Variants in CDC42BPB observed in about 807,000 individuals in gnomAD.
CDC42BPB encodes the protein CDC42 binding protein kinase beta.
Under a neutral mutation model 214.9 loss-of-function variants are expected in CDC42BPB, and 37 were observed. The ratio of observed to expected loss-of-function variants is 0.17; its 90% CI spans 0.13 to 0.23. The LOEUF is 0.23. Among genes scored for constraint, CDC42BPB ranks in the 10% least tolerant of loss-of-function variants. The probability of loss-of-function intolerance (pLI) is 1.00; values close to 1 mark genes in which losing one functional copy is unlikely to be tolerated. For synonymous variants in CDC42BPB, 931 were observed against 884.0 expected, an observed-to-expected ratio of 1.05 and a Z score of -0.94; for missense variants, 1,694 against 2,227.0, an observed-to-expected ratio of 0.76 and a Z score of 4.82.
At chr14:102,979,786 G>C (rs35846238) in intron 8 of CDC42BPB, among the ~76,000 whole-genome samples, 1 of 152,118 alleles carries the variant, frequency 6.6e-6, no homozygotes, top group Admixed American at 6.6e-5. Flanking sequence ...GAGAACAAAA[G>C]AATTTTACGA....
chr14:103,045,134 T>C (rs1888221665), intron 1 of CDC42BPB, among the ~76,000 whole-genome samples: 1 of 152,174 alleles, frequency 6.6e-6, no homozygotes, highest in Non-Finnish European at 1.5e-5. Context: ...TTTAATTCAA[T>C]GATTTTGCAC....
chr14:102,974,136 G>C lies in CDC42BPB; in HGVS notation c.1521C>G (p.Leu507=), dbSNP rs8009219. ...CCACTGTGTCCTCAAGCTGTCGCTC[G>C]AGCCTGTTTGAATCTGGACAAAAGA... ...LKNKIADSNR[L]ERQLEDTVAL... The change falls in exon 12 of 37, where the codon CTC becomes CTG. Residue 507 remains leucine, a synonymous_variant. Transcript: ENST00000361246. The C allele has an allele frequency of 0.65, 1,045,818 of 1,613,058 alleles. 341,570 individuals are homozygous for C. The highest frequency in any genetic ancestry group is 0.72 in the South Asian group (65,548 of 90,864).
chr14:103,015,556 T>G (rs1886409095), intron 1 of CDC42BPB, among the ~76,000 whole-genome samples: 1 of 152,172 alleles, frequency 6.6e-6, no homozygotes, highest in Non-Finnish European at 1.5e-5. Flanking sequence ...CGCATCACAG[T>G]AGCAGAGCAC....
At chr14:102,982,350 G>A (rs1894040937) in intron 7 of CDC42BPB, among the ~76,000 whole-genome samples, 1 of 152,186 alleles carries the variant, frequency 6.6e-6, no homozygotes. Flanking sequence ...ACTGTGGGAG[G>A]CCCTGGCTGG....
intron 21 of CDC42BPB, among the ~76,000 whole-genome samples, chr14:102,957,483 C>T (rs1326343706): frequency 6.6e-6 from 1 of 152,226 alleles, no homozygotes; most frequent in Non-Finnish European, 1.5e-5. Context: ...TTCCTCCCCA[C>T]AGCAGTGCCC....
intron 5 of CDC42BPB, among the ~76,000 whole-genome samples, chr14:102,989,586 G>C (rs1894398319): frequency 6.6e-6 from 1 of 152,212 alleles, no homozygotes; most frequent in Non-Finnish European, 1.5e-5. Context: ...AAAGAATGAA[G>C]AGCAGGCCGG....
rs74082729 is a variant in CDC42BPB, at chr14:103,001,217, G to A, written c.448-1504C>T. On this transcript the variant is annotated intron_variant, in intron 4 of 36. Transcript: ENST00000361246. The surrounding 1 kb of genome is among the most constrained non-coding windows in gnomAD (Gnocchi z 5.8). The stretch of plus-strand genomic sequence containing the variant: ...CAGGCACTGCCCGTCCTTCCCCGCC[G>A]AGTTTTTCAATTTGTTCATTCGCTC... Among the ~76,000 whole-genome samples the A allele has an allele frequency of 6.0e-3, 917 of 152,266 alleles. 12 individuals carry two copies. The highest frequency in any genetic ancestry group is 0.021 in the African/African-American group (876 of 41,548).
chr14:102,939,560 G>T (rs1891795959), intron 34 of CDC42BPB, 50 bp downstream of exon 34: 2 of 1,307,554 alleles, frequency 1.5e-6, no homozygotes, highest in Non-Finnish European at 2.2e-6. Context: ...GCCTGAGCGG[G>T]GAGGAGGAGA....
rs10132256 is a variant in CDC42BPB, at chr14:103,004,086, C to T, written c.352-63G>A. ...GGAAGCAGGCCAGAGAGCGTACTGC[C>T]GGTCTCGGGGTCCCTCCTGGGACAG... On this transcript the variant is annotated intron_variant, in intron 3 of 36. Transcript: ENST00000361246. This position sits in a 1 kb window ranked among gnomAD's most constrained non-coding sequence, Gnocchi z 5.3. 1,704 of 1,502,238 alleles carry T rather than the reference C, an allele frequency of 1.1e-3. 19 individuals are homozygous for T. The African/African-American group carries it at 0.02, about 18-fold the overall frequency. The allele number at this position is 1,502,238 out of a possible 1,614,324, so 93.1% of individuals were successfully genotyped here.
chr14:103,039,868 G>A (rs1476962534), intron 1 of CDC42BPB, among the ~76,000 whole-genome samples: 1 of 151,988 alleles, frequency 6.6e-6, no homozygotes, highest in Admixed American at 6.6e-5. Flanking sequence ...AAATTTATAT[G>A]ATTTTTTATG....
At chr14:103,056,145 A>T (rs1457420597) in intron 1 of CDC42BPB, among the ~76,000 whole-genome samples, 3 of 152,354 alleles carry the variant, frequency 2.0e-5, no homozygotes, top group African/African-American at 7.2e-5. Flanking sequence ...TAGCTGACCA[A>T]TGATTAAAAC....
At chr14:102,968,143 T>C (rs1893303445) in intron 16 of CDC42BPB, 110 bp downstream of exon 16, 3 of 699,778 alleles carry the variant, frequency 4.3e-6, no homozygotes, top group Non-Finnish European at 7.2e-6. Flanking sequence ...GACATTCTAC[T>C]CCCCCATAAA....
intron 36 of CDC42BPB, 81 bp downstream of exon 36, chr14:102,938,023 C>G (rs1891716812): frequency 6.8e-7 from 1 of 1,462,328 alleles, no homozygotes. Flanking sequence ...GTGACACCAC[C>G]CAGGGCCCCA....
intron 21 of CDC42BPB, 50 bp downstream of exon 21, chr14:102,959,581 C>T: frequency 7.7e-7 from 1 of 1,291,666 alleles, no homozygotes; most frequent in East Asian, 2.3e-5. Context: ...GACACTATTT[C>T]TAACTTATCA....
chr14:102,938,239 C>T (rs1371144477), intron 35 of CDC42BPB, 65 bp from the exon 36 acceptor site: 3 of 1,601,186 alleles, frequency 1.9e-6, no homozygotes, highest in African/African-American at 2.7e-5. Flanking sequence ...TGCCTGGGGT[C>T]TCCCCATTCC....
intron 4 of CDC42BPB, among the ~76,000 whole-genome samples, chr14:103,002,167 C>G (rs1895018028): frequency 6.6e-6 from 1 of 152,194 alleles, no homozygotes; most frequent in South Asian, 2.1e-4. Flanking sequence ...CCAGCCTGCA[C>G]TCGGGCCAGC....
At chr14:102,938,594 C>T in intron 34 of CDC42BPB, 183 bp from the exon 35 acceptor site, 1 of 976,586 alleles carries the variant, frequency 1.0e-6, no homozygotes, top group Non-Finnish European at 1.2e-6. Flanking sequence ...GCAATAGCAA[C>T]TTCAGGGCAG....
intron 18 of CDC42BPB, among the ~76,000 whole-genome samples, chr14:102,965,611 A>G (rs1000553357): frequency 1.3e-5 from 2 of 152,146 alleles, no homozygotes; most frequent in African/African-American, 2.4e-5. Flanking sequence ...CCTTTCATTG[A>G]ACACAATTGA....
chr14:103,043,159 G>A (rs140215586), intron 1 of CDC42BPB, among the ~76,000 whole-genome samples: 15 of 152,170 alleles, frequency 9.9e-5, no homozygotes, highest in Middle Eastern at 3.4e-3. Flanking sequence ...CAGGAGAATC[G>A]CTTGAACCCA....
Sources: gnomAD v4.1 joint callset for allele counts (sites outside exome capture counted in the v4.1 genomes callset) on GRCh38, gnomAD v4.1.1 for gene constraint, Gnocchi (gnomAD v3.1) non-coding constraint, MANE v1.5 for transcripts, NCBI Gene and HGNC (gene_info 2026-07-23, HGNC 2026-07-21) for gene names.